IRF2: variants seen among roughly 807,000 people sequenced by gnomAD.
IRF2 encodes interferon regulatory factor 2.
A neutral mutation model predicts 40.6 loss-of-function variants in IRF2; 15 were observed. The observed-to-expected ratio is 0.37, with a 90% CI of 0.25 to 0.57. The LOEUF (loss-of-function observed/expected upper bound fraction) is 0.57. IRF2 is among the 20% of genes least tolerant of loss of function. IRF2 has a pLI of 0.77. For synonymous variants in IRF2, 151 were observed against 165.5 expected, an observed-to-expected ratio of 0.91 and a Z score of 0.67; for missense variants, 317 against 455.7, an observed-to-expected ratio of 0.70 and a Z score of 2.77.
intron 1 of IRF2, among the ~76,000 whole-genome samples, chr4:184,454,913 C>T (rs369126911): frequency 1.3e-5 from 2 of 152,236 alleles, no homozygotes; most frequent in Admixed American, 6.5e-5. Context: ...CTAAGACTTC[C>T]CCAAAGAAAT....
At chr4:184,447,517 T>C (rs1212493853) in intron 1 of IRF2, among the ~76,000 whole-genome samples, 1 of 152,134 alleles carries the variant, frequency 6.6e-6, no homozygotes, top group Non-Finnish European at 1.5e-5. Flanking sequence ...TGGTGAAAAA[T>C]GGGATACTTA....
In IRF2 at chr4:184,419,571, G is replaced by GAAGAAA; in HGVS notation, c.88-4_88-3insTTTCTT. On this transcript the variant is annotated splice_polypyrimidine_tract_variant and splice_region_variant and intron_variant, in intron 2 of 8. Transcript: ENST00000393593. ...GGGATCTGAAAAATCTTCTTTTCCT[G>GAAGAAA]AAAAAAAAAAAAAAAAAAAAGGTAA... The GAAGAAA allele has an allele frequency of 1.1e-6, 1 of 911,526 alleles. No homozygotes were observed. Among genetic ancestry groups the GAAGAAA allele is most frequent in the Admixed American group, 2.7e-5 (1 of 36,716 alleles). The allele number at this position is 911,526 out of a possible 1,614,324, so 56.5% of individuals were successfully genotyped here. A position where few individuals can be genotyped will look rare whatever the true frequency, so the allele number is the denominator to read the frequency against.
intron 2 of IRF2, among the ~76,000 whole-genome samples, chr4:184,422,188 G>A (rs917011367): frequency 9.9e-5 from 15 of 152,174 alleles, no homozygotes; most frequent in East Asian, 7.7e-4. Context: ...AAGAAGCCTC[G>A]TTTTTTTATA....
chr4:184,461,403 G>A (rs917074300), intron 1 of IRF2, among the ~76,000 whole-genome samples: 2 of 152,174 alleles, frequency 1.3e-5, no homozygotes, highest in African/African-American at 4.8e-5. Context: ...CAGGGCCCAT[G>A]GAAGAACTAT....
intron 1 of IRF2, among the ~76,000 whole-genome samples, chr4:184,432,556 TG>T (rs1407898968): frequency 6.6e-6 from 1 of 152,226 alleles, no homozygotes; most frequent in Non-Finnish European, 1.5e-5. Context: ...GTGAGTTCAA[TG>T]CTCATCAATC....
rs187143568 is a variant in IRF2 at position 184,389,654 on chromosome 4, C to T, written c.742-588G>A. 1.2e-3 allele frequency among the ~76,000 whole-genome samples: 177 copies of T among 152,122 alleles called. 1 individual carries two copies. Among genetic ancestry groups the T allele is most frequent in the Admixed American group, 2.4e-3 (37 of 15,278 alleles). On this transcript the variant is annotated intron_variant, in intron 8 of 8. Coordinates refer to ENST00000393593, the MANE Select transcript of IRF2 (RefSeq NM_002199.4). ...CTACCTCCCAGAAATACTTTCCAGA[C>T]TACTCTGTGAAGGCAGGAAAAGAAG...
chr4:184,422,635 G>C (rs1737522389), intron 2 of IRF2, among the ~76,000 whole-genome samples: 3 of 152,186 alleles, frequency 2.0e-5, no homozygotes, highest in Admixed American at 2.0e-4. Flanking sequence ...CTACCATGTG[G>C]ACGAACCTTG....
At chr4:184,415,113 G>T (rs1026939533) in intron 5 of IRF2, among the ~76,000 whole-genome samples, 6 of 152,176 alleles carry the variant, frequency 3.9e-5, no homozygotes, top group Non-Finnish European at 8.8e-5. Flanking sequence ...CAGCCAGGAA[G>T]CACAGAACTC....
chr4:184,469,932 T>C (rs184652684), intron 1 of IRF2, among the ~76,000 whole-genome samples: 8 of 152,336 alleles, frequency 5.3e-5, no homozygotes, highest in Admixed American at 2.6e-4. Flanking sequence ...ACTGTCTTCA[T>C]GTTCAAATCT....
chr4:184,455,644 G>A (rs1738896818), intron 1 of IRF2, among the ~76,000 whole-genome samples: 1 of 152,044 alleles, frequency 6.6e-6, no homozygotes, highest in South Asian at 2.1e-4. Context: ...CTCACTGAGG[G>A]CAAGGGCTGA....
chr4:184,422,257 T>C (rs1050577481), intron 2 of IRF2, among the ~76,000 whole-genome samples: 2 of 152,090 alleles, frequency 1.3e-5, no homozygotes, highest in African/African-American at 4.8e-5. Context: ...CCCACAGACA[T>C]GTCTCCAAAA....
intron 7 of IRF2, 140 bp downstream of exon 7, chr4:184,398,775 T>C: frequency 3.2e-6 from 2 of 623,480 alleles, no homozygotes; most frequent in South Asian, 3.8e-5. Context: ...ATCAAGATAA[T>C]TAAAGTATGA....
intron 3 of IRF2, 80 bp downstream of exon 3, chr4:184,419,389 G>A: frequency 1.0e-6 from 1 of 962,040 alleles, no homozygotes; most frequent in East Asian, 2.4e-5. Context: ...GAGGTCATAA[G>A]CCAGGCTATT....
chr4:184,444,619 C>G (rs746128378), intron 1 of IRF2, among the ~76,000 whole-genome samples: 3 of 152,188 alleles, frequency 2.0e-5, no homozygotes, highest in Admixed American at 2.0e-4. Context: ...AAATACCAGA[C>G]AGTGGGAAGA....
Position 184,405,855 on chromosome 4 carries a change from T to C in IRF2, c.529+2303A>G, listed in dbSNP as rs113179218. 5.8e-3 allele frequency among the ~76,000 whole-genome samples: 881 copies of C among 152,178 alleles called. 8 individuals carry two copies. Among genetic ancestry groups the C allele is most frequent in the African/African-American group, 0.02 (845 of 41,508 alleles). ...GCTTTCTTGAGTAAATAAAAACTTC[T>C]TAAGGCTGAAAACACAGCAGCCCAA... On this transcript the variant is annotated intron_variant, in intron 6 of 8. Transcript: ENST00000393593.
chr4:184,428,071 C>T (rs1163504710), intron 2 of IRF2, among the ~76,000 whole-genome samples: 2 of 152,154 alleles, frequency 1.3e-5, no homozygotes, highest in Non-Finnish European at 2.9e-5. Context: ...TTCTGATTCA[C>T]CCCTAACAGC....
In IRF2 at chr4:184,429,025, C is replaced by T; in HGVS notation, c.40G>A (p.Glu14Lys). Residue 14 changes from glutamate to lysine, a missense_variant, in exon 2 of 9, where the codon GAG becomes AAG. Glu to Lys is a moderately conservative substitution (Grantham distance 56). Transcript: ENST00000393593. Reference protein sequence around the residue: ...ERMRMRPWLEEQINSNTIPGL... With the variant: ...ERMRMRPWLEKQINSNTIPGL... ...GGGATCGTGTTGGAGTTTATCTGCT[C>T]CTCCAGCCACGGGCGCATGCGCATC... The T allele has an allele frequency of 6.2e-7, 1 of 1,614,128 alleles. No homozygotes were observed. Among genetic ancestry groups the T allele is most frequent in the East Asian group, 2.2e-5 (1 of 44,890 alleles).
chr4:184,396,369 C>T (rs1331323174), intron 7 of IRF2, among the ~76,000 whole-genome samples: 1 of 151,820 alleles, frequency 6.6e-6, no homozygotes. Context: ...TGCTCCCAAT[C>T]GTTCCTCCCT....
chr4:184,401,181 T>C (rs1199975753), intron 6 of IRF2, among the ~76,000 whole-genome samples: 5 of 152,260 alleles, frequency 3.3e-5, no homozygotes, highest in Non-Finnish European at 7.3e-5. Flanking sequence ...CCAGGCGTCA[T>C]GGAGAGGCTC....
Sources: gnomAD v4.1 joint callset for allele counts (sites outside exome capture counted in the v4.1 genomes callset) on GRCh38, gnomAD v4.1.1 for gene constraint, MANE v1.5 for transcripts, NCBI Gene and HGNC (gene_info 2026-07-23, HGNC 2026-07-21) for gene names.